Variants in HSP90B1 observed in about 807,000 individuals in gnomAD.
The protein encoded by HSP90B1 is heat shock protein 90 beta family member 1, also known as endoplasmin.
Under a neutral mutation model 100.4 loss-of-function variants are expected in HSP90B1, and 27 were observed. The observed-to-expected ratio is 0.27, with a 90% confidence interval of 0.20 to 0.37. HSP90B1 has a LOEUF of 0.37. HSP90B1 is among the 10% of genes least tolerant of loss of function. The pLI is 1.00. For synonymous variants in HSP90B1, 304 were observed against 330.8 expected (o/e 0.92, Z 0.88); for missense variants, 678 against 960.5 (o/e 0.71, Z 3.89).
rs762914379 is a variant in HSP90B1 at position 103,941,656 on chromosome 12, G to A, written c.1258G>A (p.Asp420Asn). ...CTATGTGCGCCGTGTATTCATCACAGACGACTTCCATGATATGATGCCTAA... is the reference window on the plus strand; with the variant it reads ...CTATGTGCGCCGTGTATTCATCACAAACGACTTCCATGATATGATGCCTAA... ...KLYVRRVFIT[D>N]DFHDMMPKYL... Residue 420 changes from aspartate (D) to asparagine (N), a missense_variant, in exon 10 of 18, where the codon GAC (aspartate) becomes AAC (asparagine). By Grantham distance (23) the Asp-to-Asn change is conservative. This residue lies in a region of HSP90B1 where 44 missense variants were observed against 110.8 expected (regional missense o/e 0.40). Transcript: ENST00000299767. 2.4e-5 allele frequency: 38 copies of A among 1,614,004 alleles called. No individual in the cohort carries two copies. The highest frequency in any genetic ancestry group is 3.2e-5 in the Non-Finnish European group (38 of 1,180,010).
intron 8 of HSP90B1, 133 bp from the exon 9 acceptor site, chr12:103,941,277 C>G: frequency 1.3e-6 from 1 of 775,932 alleles, no homozygotes. Context: ...CTCTTCCCCA[C>G]CTCCCGCCAG....
chr12:103,934,301 A>G lies in HSP90B1; in HGVS notation c.743+14A>G. 6.3e-7 allele frequency: 1 copy of G among 1,582,252 alleles called. No individual in the cohort carries two copies. Among genetic ancestry groups the G allele is most frequent in the African/African-American group, 1.3e-5 (1 of 74,348 alleles). ...AACGACAATTACGTGAGTATGACCAATTCCTTATAAGAATTAATAGTCATG... is the reference window on the plus strand; with the variant it reads ...AACGACAATTACGTGAGTATGACCAGTTCCTTATAAGAATTAATAGTCATG... On this transcript the variant is annotated intron_variant, in intron 5 of 17. Coordinates refer to ENST00000299767, the MANE Select transcript of HSP90B1 (RefSeq NM_003299.3).
intron 9 of HSP90B1, 35 bp from the exon 10 acceptor site, chr12:103,941,594 A>G: frequency 6.2e-7 from 1 of 1,613,808 alleles, no homozygotes; most frequent in African/African-American, 1.3e-5. Flanking sequence ...TGAAAGTTTA[A>G]TTTCCAGAAA....
chr12:103,931,054 G>A (rs1458365210), intron 1 of HSP90B1, among the ~76,000 whole-genome samples: 1 of 152,212 alleles, frequency 6.6e-6, no homozygotes, highest in African/African-American at 2.4e-5. Flanking sequence ...AGTTTTGCTG[G>A]AGTTCGGTTC....
rs75288868 is a variant in HSP90B1, at chr12:103,945,082, C to G, written c.2027+1208C>G. Among the ~76,000 whole-genome samples the G allele has an allele frequency of 2.2e-3, 335 of 152,292 alleles. 2 individuals are homozygous for G. Among genetic ancestry groups the G allele is most frequent in the African/African-American group, 6.9e-3 (288 of 41,566 alleles). Reference sequence around the variant, plus strand: ...TGCATCCAACAAACATGAAGACTTACTATGTCCATGCACTGATGGTCACAG... The same window carrying G: ...TGCATCCAACAAACATGAAGACTTAGTATGTCCATGCACTGATGGTCACAG... On this transcript the variant is annotated intron_variant, in intron 14 of 17. Transcript: ENST00000299767.
intron 3 of HSP90B1, 50 bp downstream of exon 3, chr12:103,932,468 G>A (rs376239455): frequency 1.3e-6 from 2 of 1,514,312 alleles, no homozygotes; most frequent in Non-Finnish European, 1.8e-6. Context: ...TGGCATACTT[G>A]TTTACTTAAA....
chr12:103,937,815 A>G lies in HSP90B1; in HGVS notation c.855+9A>G, dbSNP rs771072491. ...ATGTATGGAGCAGCAAGGTAAATCT[A>G]TATTGATTAAAAACTTATATGTATT... On this transcript the variant is annotated intron_variant, in intron 6 of 17. Transcript: ENST00000299767. 1.5e-6 allele frequency: 2 copies of G among 1,326,956 alleles called. No homozygotes were observed. The highest frequency in any genetic ancestry group is 1.8e-5 in the Admixed American group (1 of 55,516). 82.2% of individuals were successfully genotyped at this position (1,326,956 alleles called of 1,614,324 possible).
At chr12:103,947,276 C>A (rs1450816382) in intron 16 of HSP90B1, 35 bp from the exon 17 acceptor site, 1 of 1,541,432 alleles carries the variant, frequency 6.5e-7, no homozygotes, top group East Asian at 2.3e-5. Flanking sequence ...GAAATAAATC[C>A]AAGGCATTAA....
chr12:103,935,773 C>A (rs3794239), intron 5 of HSP90B1, among the ~76,000 whole-genome samples: 8 of 152,086 alleles, frequency 5.3e-5, no homozygotes, highest in African/African-American at 1.2e-4. Flanking sequence ...CAATCATTCC[C>A]AAGGAAAGAT....
In HSP90B1 at chr12:103,943,865, T is replaced by A; in HGVS notation, c.2018T>A (p.Ile673Asn). ...KAQAYQTGKD[I>N]STNYYASQKK... is the part of the protein sequence containing the mutation. The stretch of plus-strand genomic sequence containing the variant: ...CAAGCGTACCAAACGGGCAAGGACA[T>A]CTCTACAAAGTAAGCATCCTCGGGA... Residue 673 changes from isoleucine (I) to asparagine (N), a missense_variant, in exon 14 of 18, where the codon ATC becomes AAC. Physicochemically the swap from Ile to Asn is moderately radical, Grantham distance 149. Around this residue, in one of 8 missense-constraint regions of HSP90B1, gnomAD observed 64 missense variants for 66.4 expected, o/e 0.96. Coordinates refer to ENST00000299767, the MANE Select transcript of HSP90B1 (RefSeq NM_003299.3). This position sits in a 1 kb window ranked among gnomAD's most constrained non-coding sequence, Gnocchi z 5.3. The A allele has an allele frequency of 6.2e-7, 1 of 1,613,500 alleles. No homozygotes were observed. The highest frequency in any genetic ancestry group is 8.5e-7 in the Non-Finnish European group (1 of 1,179,758).
chr12:103,938,206 C>A, intron 6 of HSP90B1, 134 bp from the exon 7 acceptor site: 2 of 632,824 alleles, frequency 3.2e-6, no homozygotes, highest in Non-Finnish European at 5.1e-6. Context: ...AAAATGTGGT[C>A]TATTAGTTAA....
At chr12:103,937,253 T>C (rs1869945030) in intron 5 of HSP90B1, among the ~76,000 whole-genome samples, 1 of 152,200 alleles carries the variant, frequency 6.6e-6, no homozygotes, top group Non-Finnish European at 1.5e-5. Flanking sequence ...GATATAAATA[T>C]AAACCAGATT....
In HSP90B1 at chr12:103,942,638, G is replaced by A; in HGVS notation, c.1486G>A (p.Val496Met). 1.9e-6 allele frequency: 3 copies of A among 1,614,040 alleles called. No individual in the cohort carries two copies. The highest frequency in any genetic ancestry group is 2.5e-6 in the Non-Finnish European group (3 of 1,179,906). Residue 496 changes from valine to methionine, a missense_variant, in exon 12 of 18, where the codon GTG becomes ATG. Val to Met is a conservative substitution (Grantham distance 21, BLOSUM62 1). This residue lies in a region of HSP90B1 where 170 missense variants were observed against 236.7 expected (regional missense o/e 0.72). Transcript: ENST00000299767. ...ATTTGGTACCAACATCAAGCTTGGT[G>A]TGATTGAAGACCACTCGAATCGAAC... is the stretch of plus-strand genomic sequence containing the variant. ...KEFGTNIKLGVIEDHSNRTRL... is the reference protein window; with the variant it reads ...KEFGTNIKLGMIEDHSNRTRL...
intron 5 of HSP90B1, among the ~76,000 whole-genome samples, chr12:103,935,550 T>C (rs1412165398): frequency 6.6e-6 from 1 of 152,190 alleles, no homozygotes; most frequent in African/African-American, 2.4e-5. Flanking sequence ...GAAAGTAACA[T>C]TTCCTGTTTT....
rs575322539 is a variant in HSP90B1, at chr12:103,937,890, G to A, written c.855+84G>A. The A allele has an allele frequency of 2.4e-4, 172 of 702,160 alleles. 1 individual carries two copies. The Middle Eastern group carries it at 2.9e-3, about 12-fold the overall frequency. The allele number at this position is 702,160 out of a possible 1,614,324, so 43.5% of individuals were successfully genotyped here. On this transcript the variant is annotated intron_variant, in intron 6 of 17. Transcript: ENST00000299767. ...AACACTAAAAGAATGAAGGCAGGCC[G>A]GCGCGGTGGCTCATGCTTGTAATCC...
At position 103,943,932 on chromosome 12, in the gene HSP90B1, TG is replaced by T; in HGVS notation, c.2027+60del. On this transcript the variant is annotated intron_variant, in intron 14 of 17. Coordinates refer to ENST00000299767, the MANE Select transcript of HSP90B1 (RefSeq NM_003299.3). The surrounding 1 kb of genome is among the most constrained non-coding windows in gnomAD (Gnocchi z 5.3). ...GTTGCCCCTTACCCAATCTTTGTTT[TG>T]GAGATAATACCAGCTTCAATACAAA... 6.6e-7 allele frequency: 1 copy of T among 1,525,436 alleles called. No individual in the cohort carries two copies. The highest frequency in any genetic ancestry group is 1.2e-5 in the South Asian group (1 of 81,712). The allele number at this position is 1,525,436 out of a possible 1,614,324, so 94.5% of individuals were successfully genotyped here.
rs1412445505 is a variant in HSP90B1, at chr12:103,934,332, G to A, written c.743+45G>A. Reference sequence around the variant, plus strand: ...TATAAGAATTAATAGTCATGGTGAGGATCTTGACTCTCCAGTTCTATTCTC... The same window carrying A: ...TATAAGAATTAATAGTCATGGTGAGAATCTTGACTCTCCAGTTCTATTCTC... On this transcript the variant is annotated intron_variant, in intron 5 of 17. Transcript: ENST00000299767. 2.8e-6 allele frequency: 4 copies of A among 1,411,258 alleles called. No homozygotes were observed. In the Middle Eastern group the frequency reaches 5.3e-4, roughly 188 times the overall value. The allele number at this position is 1,411,258 out of a possible 1,614,324, so 87.4% of individuals were successfully genotyped here. A position where few individuals can be genotyped will look rare whatever the true frequency, so the allele number is the denominator to read the frequency against.
At chr12:103,947,245 T>A in intron 16 of HSP90B1, 66 bp from the exon 17 acceptor site, 12 of 1,511,796 alleles carry the variant, frequency 7.9e-6, no homozygotes, top group Non-Finnish European at 1.1e-5. Context: ...TATGATTTTA[T>A]ACATATAAAT....
In HSP90B1 at chr12:103,937,704, A is replaced by G. The variant is rs1869955676; in HGVS notation, c.753A>G (p.Leu251=). 6.4e-7 allele frequency: 1 copy of G among 1,563,914 alleles called. No individual in the cohort carries two copies. Among genetic ancestry groups the G allele is most frequent in the African/African-American group, 1.4e-5 (1 of 73,804 alleles). ...LGRGTTITLV[L]KEEASDYLEL... is the part of the protein sequence containing the mutation. ...CGAATTTTTCTTGCAGCCTTGTCTT[A>G]AAAGAAGAAGCATCTGATTACCTTG... is the stretch of plus-strand genomic sequence containing the variant. The change falls in exon 6 of 18, where the codon TTA becomes TTG. Residue 251 remains leucine, a synonymous_variant. Coordinates refer to ENST00000299767, the MANE Select transcript of HSP90B1 (RefSeq NM_003299.3).
Sources: allele counts gnomAD v4.1 joint callset (sites outside exome capture counted in the v4.1 genomes callset), GRCh38; gene constraint gnomAD v4.1.1; regional missense constraint gnomAD v4.1.1; non-coding constraint Gnocchi (gnomAD v3.1); transcripts MANE v1.5; gene names NCBI Gene and HGNC (gene_info 2026-07-23, HGNC 2026-07-21).